The following TFDP1 variants were observed in gnomAD, a reference collection of about 807,000 sequenced individuals.
TFDP1 encodes the protein DRTF1-polypeptide 1.
A neutral mutation model predicts 48.0 loss-of-function variants in TFDP1; 6 were observed. The ratio of observed to expected loss-of-function variants is 0.13; its 90% CI spans 0.07 to 0.25. TFDP1 has a LOEUF of 0.25. Ranked by LOEUF, TFDP1 falls within the 10% of genes least tolerant of loss-of-function variation. The pLI is 1.00. For missense variants in TFDP1, 335 were observed against 543.0 expected (o/e 0.62, Z 3.81); for synonymous variants, 201 against 211.6 (o/e 0.95, Z 0.44).
intron 2 of TFDP1, among the ~76,000 whole-genome samples, chr13:113,589,553 C>G (rs187460693): frequency 6.6e-6 from 1 of 152,200 alleles, no homozygotes; most frequent in Non-Finnish European, 1.5e-5. Flanking sequence ...GAACTGTCCT[C>G]GAAACATCTC....
At chr13:113,588,400 A>G (rs2048056439) in intron 2 of TFDP1, among the ~76,000 whole-genome samples, 1 of 152,250 alleles carries the variant, frequency 6.6e-6, no homozygotes, top group African/African-American at 2.4e-5. Context: ...GGTTCTGGAG[A>G]GAACACAAGA....
At chr13:113,630,661 A>T (rs1303123215) in intron 4 of TFDP1, among the ~76,000 whole-genome samples, 1 of 152,220 alleles carries the variant, frequency 6.6e-6, no homozygotes, top group Admixed American at 6.5e-5. Context: ...TTACTGAGAA[A>T]TAGTGTTTCC....
chr13:113,631,691 C>T lies in TFDP1; in HGVS notation c.255C>T (p.Ser85=). Residue 85 remains serine (S), a synonymous_variant, in exon 5 of 12, where the codon AGC becomes AGT. Transcript: ENST00000375370. ...TLVVGSPHTP[S]THFASQNQPS... is the part of the protein sequence containing the mutation. ...TGGTAGGAAGCCCACACACCCCCAG[C>T]ACTCACTTTGCCTCTCAGAACCAGC... 1.2e-6 allele frequency: 2 copies of T among 1,614,168 alleles called. No homozygotes were observed. Among genetic ancestry groups the T allele is most frequent in the Non-Finnish European group, 1.7e-6 (2 of 1,180,026 alleles).
intron 3 of TFDP1, among the ~76,000 whole-genome samples, chr13:113,616,432 C>T (rs1390808453): frequency 2.6e-5 from 4 of 152,208 alleles, no homozygotes; most frequent in South Asian, 2.1e-4. Flanking sequence ...CCGTGGAGAG[C>T]GCTCAGGTAC....
chr13:113,634,699 G>T, intron 8 of TFDP1, 97 bp downstream of exon 8: 1 of 868,576 alleles, frequency 1.2e-6, no homozygotes, highest in Non-Finnish European at 1.8e-6. Flanking sequence ...CTCCTGCATG[G>T]CAAATCAAAT....
intron 11 of TFDP1, 70 bp downstream of exon 11, chr13:113,637,966 G>A: frequency 1.3e-6 from 2 of 1,573,230 alleles, no homozygotes; most frequent in Non-Finnish European, 8.6e-7. Flanking sequence ...CCAAGGCAGG[G>A]CAGCCGTCTC....
At chr13:113,622,811 G>C (rs1177388924) in intron 3 of TFDP1, among the ~76,000 whole-genome samples, 1 of 152,234 alleles carries the variant, frequency 6.6e-6, no homozygotes, top group Non-Finnish European at 1.5e-5. Flanking sequence ...GCCTTATAGA[G>C]AAATGTTGCG....
Position 113,625,085 on chromosome 13 carries a change from TC to T in TFDP1, c.186+1800del, listed in dbSNP as rs1566666143. On this transcript the variant is annotated intron_variant, in intron 4 of 11. Transcript: ENST00000375370. ...GGTGTCTCTCACGTGTCCTCAGGTG[TC>T]TCTCACGTGTCCTCAGGTGTCTCTC... is the stretch of plus-strand genomic sequence containing the variant. 6.1e-4 allele frequency among the ~76,000 whole-genome samples: 57 copies of T among 92,828 alleles called. 1 individual carries two copies. Among genetic ancestry groups the T allele is most frequent in the African/African-American group, 3.8e-3 (54 of 14,312 alleles). The allele number at this position is 92,828 out of a possible 152,430, so 60.9% of individuals were successfully genotyped here.
chr13:113,603,036 C>G (rs536339819), intron 2 of TFDP1, among the ~76,000 whole-genome samples: 1 of 151,410 alleles, frequency 6.6e-6, no homozygotes, highest in Non-Finnish European at 1.5e-5. Flanking sequence ...TGTCCTGGAC[C>G]ACATGCAGCC....
At position 113,598,450 on chromosome 13, in the gene TFDP1, A is replaced by G. The variant is rs2048336040; in HGVS notation, c.13-12546A>G. ...AGGGATGCTGGGTGCCTGCCTTCCA[A>G]GTGTCTGCTCATGAGTGGATGGGCC... On this transcript the variant is annotated intron_variant, in intron 2 of 11. Transcript: ENST00000375370. The surrounding 1 kb of genome is among the most constrained non-coding windows in gnomAD (Gnocchi z 4.2). Among the ~76,000 whole-genome samples the G allele has an allele frequency of 6.6e-6, 1 of 152,030 alleles. No individual in the cohort carries two copies. Among genetic ancestry groups the G allele is most frequent in the Non-Finnish European group, 1.5e-5 (1 of 67,998 alleles).
chr13:113,619,035 G>T (rs1467039985), intron 3 of TFDP1, among the ~76,000 whole-genome samples: 3 of 152,212 alleles, frequency 2.0e-5, no homozygotes, highest in Non-Finnish European at 2.9e-5. Flanking sequence ...GGAGGCTGAG[G>T]ATCCTGGGGA....
intron 3 of TFDP1, among the ~76,000 whole-genome samples, chr13:113,615,007 C>T (rs143646954): frequency 1.2e-4 from 18 of 152,252 alleles, no homozygotes; most frequent in Admixed American, 2.6e-4. Flanking sequence ...GATAGAGCAC[C>T]GTCAGGTTGA....
At chr13:113,606,776 G>A (rs1448225788) in intron 2 of TFDP1, among the ~76,000 whole-genome samples, 1 of 152,050 alleles carries the variant, frequency 6.6e-6, no homozygotes, top group East Asian at 1.9e-4. Context: ...CATTTCCCTT[G>A]TGATTTTGAC....
chr13:113,596,657 C>G (rs2048296770), intron 2 of TFDP1, among the ~76,000 whole-genome samples: 1 of 152,320 alleles, frequency 6.6e-6, no homozygotes, highest in East Asian at 1.9e-4. Flanking sequence ...GCCACGATGA[C>G]TTTTGCCCGG....
chr13:113,622,963 G>A (rs1169751356), intron 3 of TFDP1, among the ~76,000 whole-genome samples: 2 of 152,260 alleles, frequency 1.3e-5, no homozygotes, highest in Non-Finnish European at 2.9e-5. Context: ...GGTCACCTGG[G>A]TGGCGTCAGC....
At chr13:113,592,856 C>T (rs1261584383) in intron 2 of TFDP1, among the ~76,000 whole-genome samples, 1 of 151,022 alleles carries the variant, frequency 6.6e-6, no homozygotes, top group African/African-American at 2.4e-5. Context: ...TTCAGCTGTG[C>T]CCAAGAGACA....
chr13:113,589,299 C>T (rs1227932191), intron 2 of TFDP1, among the ~76,000 whole-genome samples: 1 of 152,172 alleles, frequency 6.6e-6, no homozygotes, highest in Non-Finnish European at 1.5e-5. Flanking sequence ...CATACGGCCA[C>T]CTGGCTGGCT....
At chr13:113,586,776 C>G (rs933822925) in intron 2 of TFDP1, among the ~76,000 whole-genome samples, 1 of 152,216 alleles carries the variant, frequency 6.6e-6, no homozygotes, top group African/African-American at 2.4e-5. Context: ...GCATGTCACA[C>G]GGCATCCCTG....
intron 3 of TFDP1, among the ~76,000 whole-genome samples, chr13:113,617,634 GCAGAGCCGCTC>G (rs2048895028): frequency 6.7e-6 from 1 of 149,800 alleles, no homozygotes; most frequent in African/African-American, 2.5e-5. Flanking sequence ...CCGCTCACCT[GCAGAGCCGCTC>G]ACCTGCAGAG....
Sources: allele counts gnomAD v4.1 joint callset (sites outside exome capture counted in the v4.1 genomes callset), GRCh38; gene constraint gnomAD v4.1.1; non-coding constraint Gnocchi (gnomAD v3.1); transcripts MANE v1.5; gene names NCBI Gene and HGNC (gene_info 2026-07-23, HGNC 2026-07-21).